The following MYRIP variants were observed in gnomAD, a reference collection of about 807,000 sequenced individuals.
MYRIP encodes the protein myosin VIIA and Rab interacting protein, also known as rab effector MyRIP.
A neutral mutation model predicts 98.0 loss-of-function variants in MYRIP; 49 were observed. The observed-to-expected ratio is 0.50, with a 90% confidence interval of 0.40 to 0.63. The LOEUF (loss-of-function observed/expected upper bound fraction) is 0.63. Ranked by LOEUF, MYRIP falls within the 30% of genes least tolerant of loss-of-function variation. The pLI is 0.00. For missense variants in MYRIP, 1,004 were observed against 1,058.2 expected (o/e 0.95, Z 0.71); for synonymous variants, 404 against 409.5 (o/e 0.99, Z 0.16).
chr3:39,977,064 GT>G (rs1013558929), intron 2 of MYRIP, among the ~76,000 whole-genome samples: 3 of 105,440 alleles, frequency 2.8e-5, no homozygotes, highest in Non-Finnish European at 5.4e-5. Flanking sequence ...TATTCTGTGT[GT>G]TTTTTTCTCT....
chr3:39,870,675 TA>T (rs1422351900), intron 1 of MYRIP, among the ~76,000 whole-genome samples: 1 of 152,206 alleles, frequency 6.6e-6, no homozygotes, highest in African/African-American at 2.4e-5. Context: ...AAATCAGATT[TA>T]AATTTCTAGA....
At chr3:40,022,004 A>G (rs1285594729) in intron 2 of MYRIP, among the ~76,000 whole-genome samples, 1 of 152,232 alleles carries the variant, frequency 6.6e-6, no homozygotes, top group Non-Finnish European at 1.5e-5. Flanking sequence ...TATAGATGCA[A>G]AGGAAGAATT....
chr3:40,111,101 G>T (rs1038973162), intron 3 of MYRIP, among the ~76,000 whole-genome samples: 1 of 152,102 alleles, frequency 6.6e-6, no homozygotes, highest in Non-Finnish European at 1.5e-5. Flanking sequence ...CCCCCCAGAA[G>T]GCAGTTCTTT....
In MYRIP at chr3:40,077,095, G is replaced by A. The variant is rs9813214; in HGVS notation, c.332+32824G>A. On this transcript the variant is annotated intron_variant, in intron 3 of 16. Coordinates refer to ENST00000302541, the MANE Select transcript of MYRIP (RefSeq NM_015460.4). ...CTGGAGTTTGTTCCTTCTGATGTTC[G>A]GGTGTGTTCGGAGTTTCTTTCCTTC... 6.9e-3 allele frequency among the ~76,000 whole-genome samples: 1,046 copies of A among 152,110 alleles called. 16 individuals carry two copies. The highest frequency in any genetic ancestry group is 0.024 in the African/African-American group (989 of 41,480).
intron 4 of MYRIP, among the ~76,000 whole-genome samples, chr3:40,156,979 C>A (rs1176412235): frequency 6.6e-6 from 1 of 152,134 alleles, no homozygotes; most frequent in African/African-American, 2.4e-5. Flanking sequence ...AATTGAATAC[C>A]CTTTATTTCC....
intron 1 of MYRIP, among the ~76,000 whole-genome samples, chr3:39,860,546 G>A (rs181803137): frequency 1.4e-4 from 21 of 152,212 alleles, no homozygotes; most frequent in Admixed American, 2.6e-4. Context: ...GGCCTCTCAC[G>A]GGGGCCCAGC....
chr3:40,181,681 A>G (rs1188852286), intron 8 of MYRIP, among the ~76,000 whole-genome samples: 1 of 152,182 alleles, frequency 6.6e-6, no homozygotes, highest in Non-Finnish European at 1.5e-5. Context: ...AATGCATTAT[A>G]TATCTATAAT....
chr3:40,115,220 A>G (rs1949246133), intron 3 of MYRIP, among the ~76,000 whole-genome samples: 2 of 152,218 alleles, frequency 1.3e-5, no homozygotes, highest in African/African-American at 2.4e-5. Context: ...CTGTGTGTAT[A>G]TATTACATTA....
chr3:40,054,526 G>C (rs76890890), intron 3 of MYRIP, among the ~76,000 whole-genome samples: 1,767 of 152,214 alleles, frequency 0.012, 37 homozygotes, highest in African/African-American at 0.04. Context: ...TAAATCAATA[G>C]ACTTTGAGTA....
chr3:39,884,613 CAT>C (rs749754569), intron 1 of MYRIP, among the ~76,000 whole-genome samples: 20 of 152,056 alleles, frequency 1.3e-4, no homozygotes, highest in Non-Finnish European at 2.6e-4. Flanking sequence ...ATAATAGAAA[CAT>C]ATATTTTGTT....
At chr3:39,922,776 A>G (rs1422901266) in intron 2 of MYRIP, among the ~76,000 whole-genome samples, 1 of 152,212 alleles carries the variant, frequency 6.6e-6, no homozygotes, top group Non-Finnish European at 1.5e-5. Context: ...ACATAATACA[A>G]TAGTATACAA....
chr3:39,874,984 G>A (rs1409352740), intron 1 of MYRIP, among the ~76,000 whole-genome samples: 2 of 152,240 alleles, frequency 1.3e-5, no homozygotes, highest in East Asian at 1.9e-4. Flanking sequence ...ACTCTTTTTG[G>A]TTGGTAAGCT....
chr3:40,118,750 C>A (rs1441546677), intron 3 of MYRIP, among the ~76,000 whole-genome samples: 1 of 151,872 alleles, frequency 6.6e-6, no homozygotes, highest in South Asian at 2.1e-4. Context: ...TATCCCTCCC[C>A]CCTCCTCCCG....
chr3:39,867,333 A>G (rs1942655447), intron 1 of MYRIP, among the ~76,000 whole-genome samples: 1 of 152,220 alleles, frequency 6.6e-6, no homozygotes, highest in Non-Finnish European at 1.5e-5. Flanking sequence ...CATTAAACTA[A>G]AAAGCTTCTG....
intron 3 of MYRIP, among the ~76,000 whole-genome samples, chr3:40,059,955 A>C (rs1947973467): frequency 6.6e-6 from 1 of 152,208 alleles, no homozygotes; most frequent in South Asian, 2.1e-4. Flanking sequence ...GATAACAAGC[A>C]AGGCAGAGAG....
chr3:40,138,314 G>A (rs916143867), intron 3 of MYRIP, among the ~76,000 whole-genome samples: 12 of 152,096 alleles, frequency 7.9e-5, no homozygotes, highest in Non-Finnish European at 1.3e-4. Context: ...TGGAGCTCTC[G>A]GTTGAGCTGT....
chr3:40,160,937 A>G (rs967012677), intron 4 of MYRIP, among the ~76,000 whole-genome samples: 1 of 152,144 alleles, frequency 6.6e-6, no homozygotes, highest in South Asian at 2.1e-4. Context: ...GGTACCTCAG[A>G]TGGAAATGTA....
intron 1 of MYRIP, among the ~76,000 whole-genome samples, chr3:39,811,940 T>C (rs1940710394): frequency 6.6e-6 from 1 of 152,156 alleles, no homozygotes; most frequent in African/African-American, 2.4e-5. Flanking sequence ...CTGAAAAATA[T>C]CCCGTAGAAA....
chr3:40,058,178 C>T (rs998772898), intron 3 of MYRIP, among the ~76,000 whole-genome samples: 2 of 152,074 alleles, frequency 1.3e-5, no homozygotes, highest in Non-Finnish European at 2.9e-5. Flanking sequence ...TTTTTCCCAG[C>T]ATTGACCTAA....
Sources: allele counts gnomAD v4.1 joint callset (sites outside exome capture counted in the v4.1 genomes callset), GRCh38; gene constraint gnomAD v4.1.1; transcripts MANE v1.5; gene names NCBI Gene and HGNC (gene_info 2026-07-23, HGNC 2026-07-21).